SPATA25: variants seen among roughly 807,000 people sequenced by gnomAD.
The protein encoded by SPATA25 is spermatogenesis associated 25, also known as spermatogenesis-associated protein 25.
In SPATA25, 16 loss-of-function variants were observed where a neutral mutation model predicts 16.0. That is an observed-to-expected ratio of 1.00 (90% CI 0.68 to 1.52). The LOEUF is 1.52. SPATA25 is among the 40% of genes most tolerant of loss of function. The probability of loss-of-function intolerance (pLI) is 0.00; values close to 1 mark genes in which losing one functional copy is unlikely to be tolerated. For missense variants in SPATA25, 285 were observed against 289.2 expected (o/e 0.99, Z 0.11); for synonymous variants, 115 against 118.5 (o/e 0.97, Z 0.19).
At chr20:45,887,240 C>G (rs947623340) in intron 1 of SPATA25, 95 bp from the exon 2 acceptor site, 67 of 1,429,978 alleles carry the variant, frequency 4.7e-5, no homozygotes, top group Non-Finnish European at 6.3e-5. Context: ...GGGGGCGTAA[C>G]TAAGACCAGC....
Position 45,887,070 on chromosome 20 carries a change from G to A in SPATA25, c.131C>T (p.Thr44Ile), listed in dbSNP as rs754182010. 3 of 1,607,846 alleles carry A rather than the reference G, an allele frequency of 1.9e-6. No individual in the cohort carries two copies. The highest frequency in any genetic ancestry group is 2.2e-5 in the South Asian group (2 of 91,082). Residue 44 changes from threonine to isoleucine, a missense_variant, in exon 2 of 2, where the codon ACA becomes ATA. Thr to Ile is a moderately conservative substitution (Grantham distance 89, BLOSUM62 -1). Coordinates refer to ENST00000372519, the MANE Select transcript of SPATA25 (RefSeq NM_080608.4). ...VEPVVVASGGTGPLSQKAEQV... is the reference protein window; with the variant it reads ...VEPVVVASGGIGPLSQKAEQV... Reference sequence around the variant, plus strand: ...CTCAGCTTTCTGGCTCAGTGGGCCTGTTCCACCAGAGGCCACCACCACTGG... The same window carrying A: ...CTCAGCTTTCTGGCTCAGTGGGCCTATTCCACCAGAGGCCACCACCACTGG...
Position 45,887,050 on chromosome 20 carries a change from C to T in SPATA25, c.151G>A (p.Ala51Thr), listed in dbSNP as rs559359113. 7 of 1,610,496 alleles carry T rather than the reference C, an allele frequency of 4.3e-6. No homozygotes were observed. In the African/African-American group the frequency reaches 5.3e-5, roughly 12 times the overall value. ...TGGGCAGCAGGTGCCACCTGCTCAG[C>T]TTTCTGGCTCAGTGGGCCTGTTCCA... ...SGGTGPLSQKAEQVAPAAQAW... is the reference protein window; with the variant it reads ...SGGTGPLSQKTEQVAPAAQAW... The change falls in exon 2 of 2, where the codon GCT (alanine) becomes ACT (threonine). Residue 51 changes from alanine to threonine, a missense_variant. Physicochemically the swap from Ala to Thr is moderately conservative, Grantham distance 58. Coordinates refer to ENST00000372519, the MANE Select transcript of SPATA25 (RefSeq NM_080608.4).
chr20:45,890,304 C>T (rs909960503), upstream of SPATA25: 3 of 1,613,506 alleles, frequency 1.9e-6, no homozygotes, highest in South Asian at 3.3e-5. Flanking sequence ...AACACGTCCA[C>T]CACCGCGTAG....
At chr20:45,890,874 C>T, upstream of SPATA25, 1 of 1,569,648 alleles carries the variant, frequency 6.4e-7, no homozygotes. Flanking sequence ...GCCCGCGTCC[C>T]AGAGGGGTCC....
Position 45,887,226 on chromosome 20 carries a change from G to C in SPATA25, c.56-81C>G, listed in dbSNP as rs537809552. 1.1e-4 allele frequency: 165 copies of C among 1,487,974 alleles called. 1 individual carries two copies. The South Asian group carries it at 2.2e-3, about 20-fold the overall frequency. The allele number at this position is 1,487,974 out of a possible 1,614,324, so 92.2% of individuals were successfully genotyped here. A position where few individuals can be genotyped will look rare whatever the true frequency, so the allele number is the denominator to read the frequency against. ...CTGAGGGGCAGGGCATGGGAGCAGAGCTTGGGGGCGTAACTAAGACCAGCC... is the reference window on the plus strand; with the variant it reads ...CTGAGGGGCAGGGCATGGGAGCAGACCTTGGGGGCGTAACTAAGACCAGCC... On this transcript the variant is annotated intron_variant, in intron 1 of 1. Coordinates refer to ENST00000372519, the MANE Select transcript of SPATA25 (RefSeq NM_080608.4).
At position 45,886,739 on chromosome 20, in the gene SPATA25, G is replaced by T; in HGVS notation, c.462C>A (p.Ile154=). ...KEASSQPDIC[I]LTLAMMIAGI... ...CAGCGATCATCATGGCGAGGGTGAG[G>T]ATGCAGATATCAGGCTGGGAGCTGG... Residue 154 remains isoleucine, a synonymous_variant, in exon 2 of 2, where the codon ATC becomes ATA. Coordinates refer to ENST00000372519, the MANE Select transcript of SPATA25 (RefSeq NM_080608.4). 4.3e-6 allele frequency: 7 copies of T among 1,614,088 alleles called. No individual in the cohort carries two copies. Among genetic ancestry groups the T allele is most frequent in the Non-Finnish European group, 5.9e-6 (7 of 1,180,048 alleles).
chr20:45,886,852 C>G lies in SPATA25; in HGVS notation c.349G>C (p.Gly117Arg), dbSNP rs913847364. 1.2e-6 allele frequency: 2 copies of G among 1,614,002 alleles called. No homozygotes were observed. ...GYSRSRAPDL[G>R]GPSRPRPLML... Reference sequence around the variant, plus strand: ...AGGGGCCTAGGCCTGCTGGGGCCACCCAGGTCAGGGGCTCTGCTTCTGGAG... The same window carrying G: ...AGGGGCCTAGGCCTGCTGGGGCCACGCAGGTCAGGGGCTCTGCTTCTGGAG... Residue 117 changes from glycine to arginine, a missense_variant, in exon 2 of 2, where the codon GGT becomes CGT. Coordinates refer to ENST00000372519, the MANE Select transcript of SPATA25 (RefSeq NM_080608.4).
chr20:45,889,357 CTTTTT>C, upstream of SPATA25, among the ~76,000 whole-genome samples: 1 of 145,738 alleles, frequency 6.9e-6, no homozygotes, highest in African/African-American at 2.5e-5. Flanking sequence ...TCTTTTCTTT[CTTTTT>C]TTTTTTTTAT....
chr20:45,890,768 A>G (rs370766713), upstream of SPATA25: 1 of 1,610,992 alleles, frequency 6.2e-7, no homozygotes, highest in South Asian at 1.1e-5. Context: ...GCACCAGCCC[A>G]GCTCTTTCTC....
rs1018262574 is a variant in SPATA25, at chr20:45,886,670, C to T, written c.531G>A (p.Leu177=). Residue 177 remains leucine (L), a synonymous_variant, in exon 2 of 2, where the codon CTG becomes CTA. Transcript: ENST00000372519. The stretch of plus-strand genomic sequence containing the variant: ...TCATGAAAGCTTGAGCGGCCCAGAT[C>T]AGGTCCTCTTCCCGAACTCCTGGGA... ...VPVPGVREED[L]IWAAQAFMMA... 6.2e-7 allele frequency: 1 copy of T among 1,614,052 alleles called. No individual in the cohort carries two copies. Among genetic ancestry groups the T allele is most frequent in the African/African-American group, 1.3e-5 (1 of 74,942 alleles).
chr20:45,887,324 G>A (rs1432405504), intron 1 of SPATA25, among the ~76,000 whole-genome samples, 179 bp from the exon 2 acceptor site: 3 of 152,234 alleles, frequency 2.0e-5, no homozygotes, highest in Non-Finnish European at 4.4e-5. Context: ...CACGGAGTAG[G>A]TGATGGAGAA....
chr20:45,887,079 G>T lies in SPATA25; in HGVS notation c.122C>A (p.Ser41Tyr), dbSNP rs369415360. 1.0e-5 allele frequency: 16 copies of T among 1,606,760 alleles called. No homozygotes were observed. In the African/African-American group the frequency reaches 2.0e-4, roughly 20 times the overall value. The change falls in exon 2 of 2, where the codon TCT becomes TAT. Residue 41 changes from serine (S) to tyrosine (Y), a missense_variant. Coordinates refer to ENST00000372519, the MANE Select transcript of SPATA25 (RefSeq NM_080608.4). ...CTGGCTCAGTGGGCCTGTTCCACCA[G>T]AGGCCACCACCACTGGCTCTACAGG... Reference protein sequence around the residue: ...CSPVEPVVVASGGTGPLSQKA... With the variant: ...CSPVEPVVVAYGGTGPLSQKA...
chr20:45,890,909 C>A (rs772386433), upstream of SPATA25: 3 of 1,551,076 alleles, frequency 1.9e-6, no homozygotes, highest in Admixed American at 2.0e-5. Context: ...ACCGTGCACC[C>A]GATGGAAGCG....
At chr20:45,889,099 C>T (rs1320149713), upstream of SPATA25, among the ~76,000 whole-genome samples, 2 of 152,188 alleles carry the variant, frequency 1.3e-5, no homozygotes, top group African/African-American at 2.4e-5. Flanking sequence ...AATCCCTTCC[C>T]CATTCACTTA....
chr20:45,889,896 G>A (rs1377584612), upstream of SPATA25, among the ~76,000 whole-genome samples: 1 of 152,158 alleles, frequency 6.6e-6, no homozygotes, highest in Non-Finnish European at 1.5e-5. Context: ...TTACAGGTGT[G>A]AGCCACTGTG....
upstream of SPATA25, chr20:45,890,908 C>A: frequency 6.4e-7 from 1 of 1,552,600 alleles, no homozygotes; most frequent in African/African-American, 1.4e-5. Flanking sequence ...CACCGTGCAC[C>A]CGATGGAAGC....
In SPATA25 at chr20:45,886,727, G is replaced by A. The variant is rs2145804158; in HGVS notation, c.474C>T (p.Ala158=). Residue 158 remains alanine (A), a synonymous_variant, in exon 2 of 2, where the codon GCC becomes GCT. Coordinates refer to ENST00000372519, the MANE Select transcript of SPATA25 (RefSeq NM_080608.4). ...CGGTGGGGATGCCAGCGATCATCATGGCGAGGGTGAGGATGCAGATATCAG... is the reference window on the plus strand; with the variant it reads ...CGGTGGGGATGCCAGCGATCATCATAGCGAGGGTGAGGATGCAGATATCAG... ...SQPDICILTL[A]MMIAGIPTVP... The A allele has an allele frequency of 6.2e-7, 1 of 1,614,136 alleles. No individual in the cohort carries two copies. The highest frequency in any genetic ancestry group is 8.5e-7 in the Non-Finnish European group (1 of 1,180,042).
At chr20:45,888,576 A>G (rs1187679720), upstream of SPATA25, 5 of 607,660 alleles carry the variant, frequency 8.2e-6, no homozygotes, top group Non-Finnish European at 1.4e-5. Flanking sequence ...GCTGACCTGC[A>G]GTGATTCTAA....
In SPATA25 at chr20:45,886,734, G is replaced by A. The variant is rs1455023674; in HGVS notation, c.467C>T (p.Thr156Ile). The part of the protein sequence containing the change: ...ASSQPDICIL[T>I]LAMMIAGIPT... ...GATGCCAGCGATCATCATGGCGAGG[G>A]TGAGGATGCAGATATCAGGCTGGGA... The change falls in exon 2 of 2, where the codon ACC becomes ATC. Residue 156 changes from threonine (T) to isoleucine (I), a missense_variant. Thr to Ile is a moderately conservative substitution (Grantham distance 89). Transcript: ENST00000372519. 7 of 1,614,014 alleles carry A rather than the reference G, an allele frequency of 4.3e-6. No individual in the cohort carries two copies. The highest frequency in any genetic ancestry group is 5.9e-6 in the Non-Finnish European group (7 of 1,180,058).
Sources: allele counts gnomAD v4.1 joint callset (sites outside exome capture counted in the v4.1 genomes callset), GRCh38; gene constraint gnomAD v4.1.1; transcripts MANE v1.5; gene names NCBI Gene and HGNC (gene_info 2026-07-23, HGNC 2026-07-21).